The following PDXDC1 variants were observed in gnomAD, a reference collection of about 807,000 sequenced individuals.
The protein encoded by PDXDC1 is pyridoxal dependent decarboxylase domain containing 1, also known as pyridoxal-dependent decarboxylase domain-containing protein 1.
PDXDC1 carries 42 observed loss-of-function variants against 100.1 expected under a neutral mutation model. The observed-to-expected ratio is 0.42, with a 90% CI of 0.33 to 0.54. PDXDC1 has a LOEUF of 0.54. PDXDC1 is among the 20% of genes least tolerant of loss of function. The pLI is 0.10. For missense variants in PDXDC1, 636 were observed against 979.2 expected (o/e 0.65, Z 4.68); for synonymous variants, 260 against 371.7 (o/e 0.70, Z 3.46).
intron 16 of PDXDC1, chr16:15,110,487 G>C: frequency 6.3e-7 from 1 of 1,587,384 alleles, no homozygotes; most frequent in South Asian, 1.1e-5. Context: ...TTCATCTTAC[G>C]GATTTTAGCT....
intron 16 of PDXDC1, among the ~76,000 whole-genome samples, chr16:15,074,130 A>T (rs909656309): frequency 6.6e-6 from 1 of 152,224 alleles, no homozygotes; most frequent in African/African-American, 2.4e-5. Context: ...CCTTTCCTGT[A>T]GTTTCCAAAT....
At chr16:15,123,926 CT>C (rs1483771520) in intron 16 of PDXDC1, among the ~76,000 whole-genome samples, 1 of 148,428 alleles carries the variant, frequency 6.7e-6, no homozygotes, top group Non-Finnish European at 1.5e-5. Context: ...CAAATCACCC[CT>C]AACCCACCTA....
chr16:15,099,677 T>A (rs2046475779), intron 16 of PDXDC1, among the ~76,000 whole-genome samples: 1 of 152,178 alleles, frequency 6.6e-6, no homozygotes, highest in East Asian at 1.9e-4. Flanking sequence ...ACAAAAAGCA[T>A]GCAAGGATTA....
intron 1 of PDXDC1, chr16:14,990,024 CCGCCCGCCGCCCGCTGCG>C: frequency 6.8e-7 from 1 of 1,473,844 alleles, no homozygotes; most frequent in Non-Finnish European, 8.9e-7. Flanking sequence ...CAGGTGCAGG[CCGCCCGCCGCCCGCTGCG>C]CGCCGGACCC....
downstream of PDXDC1, among the ~76,000 whole-genome samples, chr16:15,040,843 T>G (rs2043783424): frequency 6.6e-6 from 1 of 152,184 alleles, no homozygotes; most frequent in Admixed American, 6.5e-5. Flanking sequence ...GCTACCACGT[T>G]GCTTCTTCAA....
intron 16 of PDXDC1, chr16:15,076,313 C>T (rs1021888485): frequency 1.8e-5 from 11 of 596,230 alleles, no homozygotes; most frequent in East Asian, 1.1e-4. Flanking sequence ...AAAACAAACA[C>T]TGAAAGTTAC....
rs2047272774 is a variant in PDXDC1 at position 15,117,440 on chromosome 16, C to T, written c.1400-21439C>T. Among the ~76,000 whole-genome samples, 4 of 148,538 alleles carry T rather than the reference C, an allele frequency of 2.7e-5. No individual in the cohort carries two copies. In the South Asian group the frequency reaches 6.5e-4, roughly 24 times the overall value. On this transcript the variant is annotated intron_variant, in intron 16 of 16. Transcript: ENST00000535621. ...CTGGGAGGCCGAGGCAGGCGGATCACGAGGTCAAGAGATGGAGACTATCCT... is the reference window on the plus strand; with the variant it reads ...CTGGGAGGCCGAGGCAGGCGGATCATGAGGTCAAGAGATGGAGACTATCCT...
At chr16:14,994,346 C>T (rs1971504930) in intron 1 of PDXDC1, among the ~76,000 whole-genome samples, 1 of 152,296 alleles carries the variant, frequency 6.6e-6, no homozygotes, top group South Asian at 2.1e-4. Context: ...CCAGTTTCAG[C>T]TTTCTACATA....
At chr16:14,999,802 C>T (rs1203504155) in intron 3 of PDXDC1, among the ~76,000 whole-genome samples, 4 of 152,136 alleles carry the variant, frequency 2.6e-5, no homozygotes, top group African/African-American at 9.7e-5. Context: ...TTTCACAAGA[C>T]ATTAGCAGTT....
At chr16:15,012,553 G>C (rs1380669304) in intron 8 of PDXDC1, among the ~76,000 whole-genome samples, 3 of 152,166 alleles carry the variant, frequency 2.0e-5, no homozygotes, top group Non-Finnish European at 4.4e-5. Flanking sequence ...CTACATGTCT[G>C]TTAGAATGGA....
chr16:14,998,839 T>C (rs1051475552), intron 3 of PDXDC1, among the ~76,000 whole-genome samples: 3 of 152,286 alleles, frequency 2.0e-5, no homozygotes, highest in African/African-American at 4.8e-5. Context: ...AATAGACTTA[T>C]GTGCAGTATA....
In PDXDC1 at chr16:15,125,630, C is replaced by T. The variant is rs1412540480; in HGVS notation, c.1400-13249C>T. 8 of 1,194,450 alleles carry T rather than the reference C, an allele frequency of 6.7e-6. No homozygotes were observed. The South Asian group carries it at 7.2e-5, about 11-fold the overall frequency. The allele number at this position is 1,194,450 out of a possible 1,614,324, so 74.0% of individuals were successfully genotyped here. On this transcript the variant is annotated intron_variant, in intron 16 of 16. Transcript: ENST00000535621. ...TGAGAGGTGCACAGTGTCTGGAGTC[C>T]AAGCTGCGCCAAGGCGGCAGGACCC...
chr16:15,020,790 C>T (rs1414545936), intron 12 of PDXDC1, among the ~76,000 whole-genome samples: 1 of 152,050 alleles, frequency 6.6e-6, no homozygotes, highest in Non-Finnish European at 1.5e-5. Context: ...TTGAGACCGG[C>T]CTGGCCAACA....
chr16:15,130,561 C>G, intron 16 of PDXDC1: 1 of 1,385,500 alleles, frequency 7.2e-7, no homozygotes. Context: ...GCCGTCCCCA[C>G]AGGGCCTGTA....
intron 16 of PDXDC1, among the ~76,000 whole-genome samples, chr16:15,088,537 A>C (rs2045996975): frequency 1.3e-5 from 2 of 152,146 alleles, no homozygotes; most frequent in Non-Finnish European, 2.9e-5. Flanking sequence ...CAAAATACCA[A>C]GAATGAGAAC....
chr16:15,071,068 T>C (rs2045204496), intron 16 of PDXDC1: 1 of 1,509,074 alleles, frequency 6.6e-7, no homozygotes, highest in East Asian at 2.3e-5. Flanking sequence ...GACAATGCTA[T>C]ACTCTTTTTA....
intron 7 of PDXDC1, among the ~76,000 whole-genome samples, chr16:15,009,136 C>T (rs2041044136): frequency 6.6e-6 from 1 of 152,280 alleles, no homozygotes; most frequent in African/African-American, 2.4e-5. Context: ...TTCTGAAGCT[C>T]CTACTTTTAA....
intron 16 of PDXDC1, among the ~76,000 whole-genome samples, chr16:15,087,886 G>C (rs1177118166): frequency 6.6e-6 from 1 of 151,996 alleles, no homozygotes; most frequent in Non-Finnish European, 1.5e-5. Flanking sequence ...AGGCCGAGGT[G>C]GGTGGATCAC....
intron 16 of PDXDC1, among the ~76,000 whole-genome samples, chr16:15,119,497 C>T (rs1227584110): frequency 6.7e-6 from 1 of 150,024 alleles, no homozygotes; most frequent in Non-Finnish European, 1.5e-5. Flanking sequence ...CGGCTCGCTG[C>T]AACCTCCAGC....
Sources: allele counts gnomAD v4.1 joint callset (sites outside exome capture counted in the v4.1 genomes callset), GRCh38; gene constraint gnomAD v4.1.1; transcripts MANE v1.5; gene names NCBI Gene and HGNC (gene_info 2026-07-23, HGNC 2026-07-21).